Variants in ME2 observed in about 807,000 individuals in gnomAD.
The protein encoded by ME2 is NAD-dependent malic enzyme, mitochondrial.
A neutral mutation model predicts 73.7 loss-of-function variants in ME2; 60 were observed. The ratio of observed to expected loss-of-function variants is 0.81; its 90% CI spans 0.66 to 1.01. ME2 has a LOEUF of 1.01. Ranked by LOEUF, ME2 falls within the 50% of genes least tolerant of loss-of-function variation. ME2 has a pLI of 0.00. For synonymous variants in ME2, 199 were observed against 236.9 expected (o/e 0.84, Z 1.47); for missense variants, 594 against 705.5 (o/e 0.84, Z 1.79).
At chr18:50,941,218 G>A (rs551729946) in intron 15 of ME2, among the ~76,000 whole-genome samples, 3 of 140,136 alleles carry the variant, frequency 2.1e-5, no homozygotes, top group Non-Finnish European at 4.5e-5. Flanking sequence ...CTGAGATCGT[G>A]CCATTGCACT....
intron 15 of ME2, among the ~76,000 whole-genome samples, chr18:50,946,279 G>C (rs1287814081): frequency 2.6e-5 from 4 of 152,066 alleles, no homozygotes; most frequent in Non-Finnish European, 4.4e-5. Context: ...GGCTTGGGTG[G>C]AGAATTTGAA....
intron 12 of ME2, among the ~76,000 whole-genome samples, chr18:50,927,033 A>G (rs1917568909): frequency 6.6e-6 from 1 of 152,096 alleles, no homozygotes; most frequent in African/African-American, 2.4e-5. Context: ...ACAAATTTTT[A>G]TTTACATCCG....
intron 10 of ME2, among the ~76,000 whole-genome samples, chr18:50,922,760 C>T (rs974392589): frequency 6.6e-6 from 1 of 152,120 alleles, no homozygotes; most frequent in African/African-American, 2.4e-5. Context: ...CCAGTGTCTC[C>T]TGGTGATCCT....
At chr18:50,913,564 T>A (rs950250966) in intron 4 of ME2, among the ~76,000 whole-genome samples, 5 of 151,972 alleles carry the variant, frequency 3.3e-5, no homozygotes, top group African/African-American at 1.2e-4. Flanking sequence ...AACTCCTGAC[T>A]CCAAGTGATC....
intron 2 of ME2, among the ~76,000 whole-genome samples, chr18:50,900,053 A>G (rs1425913532): frequency 2.0e-5 from 3 of 152,166 alleles, no homozygotes; most frequent in African/African-American, 7.2e-5. Context: ...AAAACAAGTT[A>G]GGAAATACCC....
rs115579656 is a variant in ME2 at position 50,916,580 on chromosome 18, T to C, written c.468+337T>C. 2.7e-3 allele frequency: 464 copies of C among 171,796 alleles called. 1 individual carries two copies. The highest frequency in any genetic ancestry group is 9.5e-3 in the African/African-American group (404 of 42,366). The allele number at this position is 171,796 out of a possible 1,614,324, so 10.6% of individuals were successfully genotyped here. Reference sequence around the variant, plus strand: ...ATACATTAAAATGCCATAAAAACTTTTGTTTATGAATGGTGTTAGAGAAGT... The same window carrying C: ...ATACATTAAAATGCCATAAAAACTTCTGTTTATGAATGGTGTTAGAGAAGT... On this transcript the variant is annotated intron_variant, in intron 5 of 15. Coordinates refer to ENST00000321341, the MANE Select transcript of ME2 (RefSeq NM_002396.5).
At chr18:50,907,315 C>A (rs1234245055) in intron 2 of ME2, among the ~76,000 whole-genome samples, 1 of 152,186 alleles carries the variant, frequency 6.6e-6, no homozygotes, top group African/African-American at 2.4e-5. Context: ...TTAAAACTCA[C>A]AAAGCTTGTT....
In ME2 at chr18:50,895,678, G is replaced by A. The variant is rs527831532; in HGVS notation, c.-12-131G>A. ...TCAGAAAAAGTAAGTTTTCACCTTC[G>A]CCTCTTGTTACCTTTTTAAAACTGT... On this transcript the variant is annotated intron_variant, in intron 1 of 15. Coordinates refer to ENST00000321341, the MANE Select transcript of ME2 (RefSeq NM_002396.5). 1.8e-5 allele frequency: 11 copies of A among 614,862 alleles called. No homozygotes were observed. The Admixed American group carries it at 2.1e-4, about 12-fold the overall frequency. 38.1% of individuals were successfully genotyped at this position (614,862 alleles called of 1,614,324 possible). A position where few individuals can be genotyped will look rare whatever the true frequency, so the allele number is the denominator to read the frequency against.
At chr18:50,928,430 G>A (rs1258008959) in intron 12 of ME2, among the ~76,000 whole-genome samples, 4 of 151,394 alleles carry the variant, frequency 2.6e-5, no homozygotes, top group Non-Finnish European at 4.4e-5. Flanking sequence ...AGTAGATATG[G>A]GGTTTTACCA....
At chr18:50,924,301 G>A in intron 11 of ME2, 89 bp downstream of exon 11, 1 of 874,756 alleles carries the variant, frequency 1.1e-6, no homozygotes, top group Non-Finnish European at 1.8e-6. Flanking sequence ...AAAATGAATT[G>A]GCAGTTTTAC....
chr18:50,905,112 G>A (rs1049636423), intron 2 of ME2, among the ~76,000 whole-genome samples: 4 of 151,866 alleles, frequency 2.6e-5, no homozygotes, highest in Admixed American at 1.3e-4. Flanking sequence ...TCAGCCTCTC[G>A]AGTAGCTGGG....
Position 50,917,386 on chromosome 18 carries a change from G to A in ME2, c.508G>A (p.Gly170Arg). Residue 170 changes from glycine (G) to arginine (R), a missense_variant, in exon 6 of 16, where the codon GGA (glycine) becomes AGA (arginine). Physicochemically the swap from Gly to Arg is moderately radical, Grantham distance 125. Coordinates refer to ENST00000321341, the MANE Select transcript of ME2 (RefSeq NM_002396.5). ...VTDGERILGL[G>R]DLGVYGMGIP... ...TGATGGAGAGAGAATTCTGGGTCTT[G>A]GAGATCTGGGTGTCTATGGAATGGG... 6.2e-7 allele frequency: 1 copy of A among 1,613,634 alleles called. No homozygotes were observed. Among genetic ancestry groups the A allele is most frequent in the South Asian group, 1.1e-5 (1 of 91,040 alleles).
chr18:50,929,128 C>G (rs1917631875), intron 12 of ME2, among the ~76,000 whole-genome samples: 1 of 151,230 alleles, frequency 6.6e-6, no homozygotes, highest in African/African-American at 2.4e-5. Context: ...ACTTCCTGAA[C>G]TTAATATTCA....
chr18:50,879,551 G>A (rs957844906), intron 1 of ME2, among the ~76,000 whole-genome samples: 1 of 152,212 alleles, frequency 6.6e-6, no homozygotes, highest in East Asian at 1.9e-4. Context: ...GCTCTACCCG[G>A]CGCGCGATTT....
At chr18:50,913,458 C>G (rs938552100) in intron 4 of ME2, among the ~76,000 whole-genome samples, 1 of 152,000 alleles carries the variant, frequency 6.6e-6, no homozygotes, top group Non-Finnish European at 1.5e-5. Context: ...CTCAACCTCC[C>G]TAGTAGCTGG....
Position 50,947,497 on chromosome 18 carries a change from A to G in ME2, c.*313A>G, listed in dbSNP as rs1345072009. 1 of 233,766 alleles carries G rather than the reference A, an allele frequency of 4.3e-6. No individual in the cohort carries two copies. The highest frequency in any genetic ancestry group is 8.2e-6 in the Non-Finnish European group (1 of 121,982). 14.5% of individuals were successfully genotyped at this position (233,766 alleles called of 1,614,324 possible). The stretch of plus-strand genomic sequence containing the variant: ...TACTCTAATTCAGACTTGCCAAAGT[A>G]TTTGCTATTTACTATTATGGGTAAT... On this transcript the variant is annotated 3_prime_UTR_variant, in exon 16 of 16. Transcript: ENST00000321341.
intron 15 of ME2, among the ~76,000 whole-genome samples, chr18:50,946,407 C>G (rs946385763): frequency 3.3e-5 from 5 of 152,168 alleles, no homozygotes; most frequent in African/African-American, 1.2e-4. Context: ...GGGCAAGTTA[C>G]TTAAACTCCT....
At chr18:50,906,439 A>G (rs537659034) in intron 2 of ME2, among the ~76,000 whole-genome samples, 1 of 152,146 alleles carries the variant, frequency 6.6e-6, no homozygotes, top group Non-Finnish European at 1.5e-5. Context: ...CAGCCCCCCG[A>G]GTAGCTGGGA....
intron 11 of ME2, among the ~76,000 whole-genome samples, chr18:50,924,533 T>C (rs1917501452): frequency 6.6e-6 from 1 of 152,192 alleles, no homozygotes; most frequent in Admixed American, 6.5e-5. Context: ...AAAGTTTTCG[T>C]GGGCAACAAA....
Sources: gnomAD v4.1 joint callset for allele counts (sites outside exome capture counted in the v4.1 genomes callset) on GRCh38, gnomAD v4.1.1 for gene constraint, MANE v1.5 for transcripts, NCBI Gene and HGNC (gene_info 2026-07-23, HGNC 2026-07-21) for gene names.